The following MCM5 variants were observed in gnomAD, a reference collection of about 807,000 sequenced individuals.
MCM5 encodes the protein minichromosome maintenance complex component 5, also known as DNA replication licensing factor MCM5.
Under a neutral mutation model 79.9 loss-of-function variants are expected in MCM5, and 46 were observed. That is an observed-to-expected ratio of 0.58 (90% CI 0.45 to 0.74). MCM5 has a LOEUF of 0.74. MCM5 is among the 30% of genes least tolerant of loss of function. The pLI, the probability that MCM5 is intolerant of heterozygous loss-of-function variation, is 0.00. For synonymous variants in MCM5, 404 were observed against 390.5 expected (o/e 1.03, Z -0.41); for missense variants, 883 against 1,017.0 (o/e 0.87, Z 1.79).
the MCM5 span, among the ~76,000 whole-genome samples, chr22:35,438,328 T>TATCCATCCATCCATCC: frequency 3.0e-4 from 41 of 135,006 alleles, no homozygotes; most frequent in African/African-American, 9.5e-4. Flanking sequence ...TCCGTCCATC[T>TATCCATCCATCCATCC]ATCCATCCAT....
intron 12 of MCM5, 51 bp from the exon 13 acceptor site, chr22:35,417,693 T>A (rs774343541): frequency 3.0e-6 from 4 of 1,327,042 alleles, no homozygotes; most frequent in Non-Finnish European, 4.3e-6. Flanking sequence ...GTGCTGGGAC[T>A]CAGGCTTGGG....
chr22:35,454,778 G>A, the MCM5 span, among the ~76,000 whole-genome samples: 2 of 152,032 alleles, frequency 1.3e-5, no homozygotes, highest in East Asian at 1.9e-4. Flanking sequence ...CTGGCTTCTC[G>A]GCCTCTGCAC....
intron 15 of MCM5, 24 bp downstream of exon 15, chr22:35,421,484 T>C: frequency 1.2e-5 from 19 of 1,613,834 alleles, no homozygotes; most frequent in Non-Finnish European, 1.6e-5. Flanking sequence ...GGGGCCATGG[T>C]CTCAATTGAT....
At chr22:35,436,415 C>T in the MCM5 span, among the ~76,000 whole-genome samples, 1 of 152,186 alleles carries the variant, frequency 6.6e-6, no homozygotes. Context: ...AGTTCAGCCC[C>T]TTCCTCAGTT....
chr22:35,416,460 T>G, intron 11 of MCM5, 56 bp downstream of exon 11: 1 of 1,572,192 alleles, frequency 6.4e-7, no homozygotes, highest in Non-Finnish European at 8.7e-7. Context: ...GGCCCAACCG[T>G]CCTCAGGCTG....
intron 4 of MCM5, 93 bp downstream of exon 4, chr22:35,403,635 T>C: frequency 6.8e-7 from 1 of 1,477,734 alleles, no homozygotes; most frequent in Non-Finnish European, 9.2e-7. Context: ...GTGAGGCACT[T>C]GACCTTTCTG....
chr22:35,440,111 T>C, the MCM5 span, among the ~76,000 whole-genome samples: 2 of 152,256 alleles, frequency 1.3e-5, no homozygotes, highest in African/African-American at 4.8e-5. Context: ...TAATCAATTG[T>C]AGGCGGAGTC....
At position 35,424,367 on chromosome 22, in the gene MCM5, T is replaced by G; in HGVS notation, c.*112T>G. 2 of 751,252 alleles carry G rather than the reference T, an allele frequency of 2.7e-6. No homozygotes were observed. The highest frequency in any genetic ancestry group is 4.3e-6 in the Non-Finnish European group (2 of 465,648). 46.5% of individuals were successfully genotyped at this position (751,252 alleles called of 1,614,324 possible). On this transcript the variant is annotated 3_prime_UTR_variant, in exon 17 of 17. Transcript: ENST00000216122. ...TGCCTCCCCACTGCAGCCCTCGAAC[T>G]TCCCAGGCACCCTCCTTTCTGCCCC... is the stretch of plus-strand genomic sequence containing the variant.
chr22:35,414,904 G>A (rs1251497394), intron 9 of MCM5, among the ~76,000 whole-genome samples: 2 of 152,218 alleles, frequency 1.3e-5, no homozygotes, highest in African/African-American at 4.8e-5. Context: ...CAGAGCCAGA[G>A]AAGGTCTGAC....
chr22:35,410,963 T>A, intron 7 of MCM5, 53 bp downstream of exon 7: 1 of 1,509,904 alleles, frequency 6.6e-7, no homozygotes, highest in Non-Finnish European at 8.9e-7. Context: ...TGTGCTTGCA[T>A]ACTTCTGGTA....
In MCM5 at chr22:35,424,358, C is replaced by T. The variant is rs1932757833; in HGVS notation, c.*103C>T. ...TGGGACCTCTGCCTCCCCACTGCAG[C>T]CCTCGAACTTCCCAGGCACCCTCCT... On this transcript the variant is annotated 3_prime_UTR_variant, in exon 17 of 17. Coordinates refer to ENST00000216122, the MANE Select transcript of MCM5 (RefSeq NM_006739.4). 1.2e-6 allele frequency: 1 copy of T among 827,354 alleles called. No homozygotes were observed. The highest frequency in any genetic ancestry group is 1.9e-6 in the Non-Finnish European group (1 of 530,864). 51.3% of individuals were successfully genotyped at this position (827,354 alleles called of 1,614,324 possible).
chr22:35,448,492 G>A, the MCM5 span, among the ~76,000 whole-genome samples: 1 of 152,116 alleles, frequency 6.6e-6, no homozygotes, highest in Non-Finnish European at 1.5e-5. Flanking sequence ...AAACATCATC[G>A]TATTCGTCAT....
At chr22:35,404,141 C>T (rs1385268504) in intron 4 of MCM5, among the ~76,000 whole-genome samples, 1 of 152,082 alleles carries the variant, frequency 6.6e-6, no homozygotes, top group African/African-American at 2.4e-5. Context: ...ACAGACATGA[C>T]ACTTTATCCC....
At chr22:35,444,610 G>A in the MCM5 span, among the ~76,000 whole-genome samples, 2 of 152,114 alleles carry the variant, frequency 1.3e-5, no homozygotes, top group African/African-American at 4.8e-5. Flanking sequence ...GTGGGCAGGG[G>A]TAGGGGAAGC....
At chr22:35,422,482 G>T (rs941868279) in intron 15 of MCM5, 15 of 152,344 alleles carry the variant, frequency 9.8e-5, no homozygotes, top group African/African-American at 3.1e-4. Flanking sequence ...GAATGGGGTG[G>T]GTGGGGCCTG....
chr22:35,406,899 C>T (rs995780548), intron 5 of MCM5, among the ~76,000 whole-genome samples, 174 bp downstream of exon 5: 3 of 152,182 alleles, frequency 2.0e-5, no homozygotes, highest in Non-Finnish European at 4.4e-5. Context: ...TCTGAGACAC[C>T]ATGAACAGGG....
At position 35,408,443 on chromosome 22, in the gene MCM5, C is replaced by G. The variant is rs747355364; in HGVS notation, c.632C>G (p.Pro211Arg). 1.2e-6 allele frequency: 2 copies of G among 1,614,078 alleles called. No individual in the cohort carries two copies. Among genetic ancestry groups the G allele is most frequent in the Non-Finnish European group, 1.7e-6 (2 of 1,180,028 alleles). ...GGGCGCCCCAAATGCCCATTGGACCCGTACTTCATCATGCCCGACAAATGC... is the reference window on the plus strand; with the variant it reads ...GGGCGCCCCAAATGCCCATTGGACCGGTACTTCATCATGCCCGACAAATGC... The part of the protein sequence containing the change: ...QAGRPKCPLD[P>R]YFIMPDKCKC... Residue 211 changes from proline to arginine, a missense_variant, in exon 6 of 17, where the codon CCG becomes CGG. By Grantham distance (103) the Pro-to-Arg change is moderately radical. This residue lies in a region of MCM5 where 455 missense variants were observed against 517.5 expected (regional missense o/e 0.88). Coordinates refer to ENST00000216122, the MANE Select transcript of MCM5 (RefSeq NM_006739.4).
intron 2 of MCM5, 130 bp from the exon 3 acceptor site, chr22:35,403,077 G>A (rs1362450611): frequency 3.7e-6 from 4 of 1,086,162 alleles, no homozygotes; most frequent in Admixed American, 4.5e-5. Flanking sequence ...ATGTGTGTTT[G>A]GGAAGAGGAA....
the MCM5 span, among the ~76,000 whole-genome samples, chr22:35,453,817 T>TAGAGAGAGAG: frequency 1.9e-3 from 148 of 78,254 alleles, no homozygotes; most frequent in East Asian, 3.3e-3. Flanking sequence ...TATATATATA[T>TAGAGAGAGAG]ATAGAGAGAG....
Sources: allele counts gnomAD v4.1 joint callset (sites outside exome capture counted in the v4.1 genomes callset), GRCh38; gene constraint gnomAD v4.1.1; regional missense constraint gnomAD v4.1.1; transcripts MANE v1.5; gene names NCBI Gene and HGNC (gene_info 2026-07-23, HGNC 2026-07-21).